The following SH2D4B variants were observed in gnomAD, a reference collection of about 807,000 sequenced individuals.
SH2D4B encodes SH2 domain containing 4B, also known as SH2 domain-containing protein 4B.
A neutral mutation model predicts 61.5 loss-of-function variants in SH2D4B; 45 were observed. That is an observed-to-expected ratio of 0.73 (90% CI 0.58 to 0.94). The LOEUF is 0.94. Among genes scored for constraint, SH2D4B ranks in the 40% least tolerant of loss-of-function variants. SH2D4B has a pLI of 0.00. For synonymous variants in SH2D4B, 224 were observed against 220.4 expected (o/e 1.02, Z -0.14); for missense variants, 572 against 574.2 (o/e 1.00, Z 0.04).
At chr10:80,544,120 T>C (rs534052307) in intron 1 of SH2D4B, among the ~76,000 whole-genome samples, 1 of 152,230 alleles carries the variant, frequency 6.6e-6, no homozygotes, top group African/African-American at 2.4e-5. Context: ...TTGCTATTGC[T>C]CACTGTGGGT....
chr10:80,630,806 C>T (rs185102525), intron 6 of SH2D4B, among the ~76,000 whole-genome samples: 4 of 152,230 alleles, frequency 2.6e-5, no homozygotes, highest in African/African-American at 9.6e-5. Context: ...TGGCCTCAGT[C>T]CAAGGTCGGC....
At chr10:80,601,054 C>T (rs775744178) in intron 4 of SH2D4B, among the ~76,000 whole-genome samples, 11 of 152,152 alleles carry the variant, frequency 7.2e-5, no homozygotes, top group Non-Finnish European at 1.0e-4. Context: ...CCGCAACATA[C>T]GGATGTCTTC....
intron 4 of SH2D4B, 49 bp downstream of exon 4, chr10:80,588,826 C>T (rs765867566): frequency 2.6e-5 from 42 of 1,604,040 alleles, no homozygotes; most frequent in Non-Finnish European, 3.4e-5. Flanking sequence ...CGCCTCCCCA[C>T]CCACCTCCTC....
intron 1 of SH2D4B, among the ~76,000 whole-genome samples, chr10:80,549,962 A>G (rs950840375): frequency 1.3e-5 from 2 of 151,732 alleles, no homozygotes; most frequent in African/African-American, 4.8e-5. Flanking sequence ...AAAGATTAAT[A>G]TTTAATTAAT....
In SH2D4B at chr10:80,634,411, A is replaced by G; in HGVS notation, c.1115A>G (p.His372Arg). 2 of 1,550,474 alleles carry G rather than the reference A, an allele frequency of 1.3e-6. No homozygotes were observed. Among genetic ancestry groups the G allele is most frequent in the Non-Finnish European group, 8.7e-7 (1 of 1,146,986 alleles). The change falls in exon 7 of 8, where the codon CAC (histidine) becomes CGC (arginine). Residue 372 changes from histidine to arginine, a missense_variant. Physicochemically the swap from His to Arg is conservative, Grantham distance 29. Transcript: ENST00000646907. Reference sequence around the variant, plus strand: ...TACCGCCTGCAGAAAGGGTTCAAACACTTTCTTGTGGATGCTTCTGGGGAT... The same window carrying G: ...TACCGCCTGCAGAAAGGGTTCAAACGCTTTCTTGTGGATGCTTCTGGGGAT... ...LSYRLQKGFKHFLVDASGDFY... is the reference protein window; with the variant it reads ...LSYRLQKGFKRFLVDASGDFY...
At chr10:80,612,398 G>A (rs1842613517) in intron 6 of SH2D4B, among the ~76,000 whole-genome samples, 1 of 152,050 alleles carries the variant, frequency 6.6e-6, no homozygotes, top group South Asian at 2.1e-4. Context: ...CCCTGGGCTT[G>A]GTTGGGCGTC....
chr10:80,642,624 G>A (rs1840326317), intron 7 of SH2D4B, among the ~76,000 whole-genome samples: 2 of 152,278 alleles, frequency 1.3e-5, no homozygotes, highest in South Asian at 4.1e-4. Flanking sequence ...AATGCCATGT[G>A]GAATTCCATG....
rs1840376560 is a variant in SH2D4B at position 80,645,124 on chromosome 10, C to T, written c.*1039C>T. 1 of 152,198 alleles carries T rather than the reference C, an allele frequency of 6.6e-6. No homozygotes were observed. The highest frequency in any genetic ancestry group is 2.4e-5 in the African/African-American group (1 of 41,442). The allele number at this position is 152,198 out of a possible 1,614,324, so 9.4% of individuals were successfully genotyped here. The stretch of plus-strand genomic sequence containing the variant: ...AGTCAAGAAGACTTGGGTTCATATC[C>T]TAACCCTGGAACTTACTAGCATTAT... On this transcript the variant is annotated 3_prime_UTR_variant, in exon 8 of 8. Coordinates refer to ENST00000646907, the MANE Select transcript of SH2D4B (RefSeq NM_001388272.1).
intron 1 of SH2D4B, among the ~76,000 whole-genome samples, chr10:80,563,192 C>T (rs185975755): frequency 5.3e-5 from 8 of 152,250 alleles, no homozygotes; most frequent in East Asian, 1.9e-4. Context: ...TGAGCCACCG[C>T]GCCCGGCCGA....
chr10:80,622,093 C>T (rs2132153193), intron 6 of SH2D4B, among the ~76,000 whole-genome samples: 1 of 152,214 alleles, frequency 6.6e-6, no homozygotes, highest in African/African-American at 2.4e-5. Context: ...TTTAAGAAGT[C>T]CTAAGTGCTG....
chr10:80,589,431 C>T (rs781383814), intron 4 of SH2D4B, among the ~76,000 whole-genome samples: 2 of 152,082 alleles, frequency 1.3e-5, no homozygotes, highest in Admixed American at 6.5e-5. Context: ...CCCAGCTACT[C>T]GGGAGGCTGA....
chr10:80,552,506 G>T lies in SH2D4B; in HGVS notation c.184+13991G>T, dbSNP rs559332543. On this transcript the variant is annotated intron_variant, in intron 1 of 7. Transcript: ENST00000646907. ...GTCCCCTCCCTGCTTCCCCATCTCT[G>T]CACCTCCCTGCTTCCACTTCCAGCC... Among the ~76,000 whole-genome samples the T allele has an allele frequency of 8.5e-5, 13 of 152,172 alleles. 1 individual carries two copies. In the South Asian group the frequency reaches 2.7e-3, roughly 32 times the overall value.
intron 6 of SH2D4B, among the ~76,000 whole-genome samples, chr10:80,633,832 T>G (rs769380): frequency 0.038 from 5,750 of 152,260 alleles, 162 homozygotes; most frequent in African/African-American, 0.078. Flanking sequence ...TATTTTTAGG[T>G]GCTTATTTAT....
intron 1 of SH2D4B, chr10:80,541,012 G>C: frequency 2.9e-6 from 3 of 1,036,868 alleles, no homozygotes; most frequent in Non-Finnish European, 4.4e-6. Flanking sequence ...CAGAATGATA[G>C]GAAAGGCAAG....
At position 80,609,442 on chromosome 10, in the gene SH2D4B, G is replaced by A. The variant is rs748280172; in HGVS notation, c.879G>A (p.Pro293=). 17 of 1,613,714 alleles carry A rather than the reference G, an allele frequency of 1.1e-5. No homozygotes were observed. The highest frequency in any genetic ancestry group is 3.3e-5 in the Admixed American group (2 of 59,972). Residue 293 remains proline (P), a synonymous_variant, in exon 6 of 8, where the codon CCG becomes CCA. Transcript: ENST00000646907. Reference sequence around the variant, plus strand: ...TCTTCAGCAGGACCTGGGAGCGCCCGCTGCGCCCAGTCTCCAGAGATGTCA... The same window carrying A: ...TCTTCAGCAGGACCTGGGAGCGCCCACTGCGCCCAGTCTCCAGAGATGTCA... ...ALPVSRTWER[P]LRPVSRDVIV...
At chr10:80,544,237 C>T (rs915796732) in intron 1 of SH2D4B, among the ~76,000 whole-genome samples, 8 of 152,146 alleles carry the variant, frequency 5.3e-5, no homozygotes, top group Non-Finnish European at 1.0e-4. Flanking sequence ...ACTCCAGAGG[C>T]GCCGCCTTAA....
intron 1 of SH2D4B, among the ~76,000 whole-genome samples, chr10:80,562,963 G>A (rs1399042791): frequency 6.8e-6 from 1 of 146,728 alleles, no homozygotes; most frequent in African/African-American, 2.5e-5. Flanking sequence ...GTGCAGTGGC[G>A]GGATCTCGGC....
intron 4 of SH2D4B, 126 bp from the exon 5 acceptor site, chr10:80,603,453 T>A: frequency 1.2e-6 from 1 of 840,572 alleles, no homozygotes; most frequent in Non-Finnish European, 1.8e-6. Flanking sequence ...GGTGCAAAAG[T>A]CATCGCGATT....
At chr10:80,549,227 G>GTC (rs1841725462) in intron 1 of SH2D4B, among the ~76,000 whole-genome samples, 2 of 151,768 alleles carry the variant, frequency 1.3e-5, no homozygotes, top group African/African-American at 2.4e-5. Context: ...GTGTGTGTGT[G>GTC]TGTGTGTGTG....
Sources: gnomAD v4.1 joint callset for allele counts (sites outside exome capture counted in the v4.1 genomes callset) on GRCh38, gnomAD v4.1.1 for gene constraint, MANE v1.5 for transcripts, NCBI Gene and HGNC (gene_info 2026-07-23, HGNC 2026-07-21) for gene names.